The following APBB2 variants were observed in gnomAD, a reference collection of about 807,000 sequenced individuals.
The protein encoded by APBB2 is amyloid beta precursor protein binding family B member 2.
In APBB2, 38 loss-of-function variants were observed where a neutral mutation model predicts 82.5. The observed-to-expected ratio is 0.46, with a 90% CI of 0.36 to 0.60. The LOEUF (loss-of-function observed/expected upper bound fraction) is 0.60. Among genes scored for constraint, APBB2 ranks in the 20% least tolerant of loss-of-function variants. The pLI is 0.00. For missense variants in APBB2, 772 were observed against 972.3 expected (o/e 0.79, Z 2.74); for synonymous variants, 341 against 368.2 (o/e 0.93, Z 0.85).
chr4:41,199,177 C>G (rs953116826), intron 1 of APBB2, among the ~76,000 whole-genome samples: 5 of 146,172 alleles, frequency 3.4e-5, no homozygotes, highest in African/African-American at 1.3e-4. Flanking sequence ...CAATTTAACC[C>G]AAACAGATGC....
chr4:41,039,063 A>G lies in APBB2; in HGVS notation c.-50-5759T>C, dbSNP rs1368284238. Among the ~76,000 whole-genome samples the G allele has an allele frequency of 2.0e-5, 3 of 152,270 alleles. No individual in the cohort carries two copies. In the East Asian group the frequency reaches 5.8e-4, roughly 29 times the overall value. On this transcript the variant is annotated intron_variant, in intron 4 of 17. Transcript: ENST00000508593. Reference sequence around the variant, plus strand: ...AAATGTTAAATACACTTGTTTTTAAATGAGAAGGAGCTTTCATTTCTGGAA... The same window carrying G: ...AAATGTTAAATACACTTGTTTTTAAGTGAGAAGGAGCTTTCATTTCTGGAA...
intron 1 of APBB2, among the ~76,000 whole-genome samples, chr4:41,172,032 G>A (rs1001331172): frequency 8.5e-5 from 13 of 152,280 alleles, no homozygotes; most frequent in African/African-American, 2.9e-4. Context: ...CCCAAGAGGC[G>A]GAGGTTGTAG....
At chr4:40,975,675 A>C (rs189844294) in intron 6 of APBB2, among the ~76,000 whole-genome samples, 1 of 151,914 alleles carries the variant, frequency 6.6e-6, no homozygotes, top group South Asian at 2.1e-4. Flanking sequence ...TAGCAAGAGA[A>C]CCATCACGTC....
intron 5 of APBB2, among the ~76,000 whole-genome samples, chr4:41,029,883 G>A (rs753704941): frequency 2.0e-5 from 3 of 152,228 alleles, no homozygotes; most frequent in South Asian, 2.1e-4. Context: ...CTGGCTGGGC[G>A]CGGTGGTTCA....
At chr4:40,926,130 T>G (rs1302512010) in intron 10 of APBB2, among the ~76,000 whole-genome samples, 1 of 152,266 alleles carries the variant, frequency 6.6e-6, no homozygotes, top group Non-Finnish European at 1.5e-5. Flanking sequence ...TCTACTTCGC[T>G]GCAGAAGCTG....
chr4:40,882,634 GCA>G (rs1465013895), intron 12 of APBB2, among the ~76,000 whole-genome samples: 2 of 152,168 alleles, frequency 1.3e-5, no homozygotes, highest in African/African-American at 4.8e-5. Context: ...TTCGAGTGCT[GCA>G]CAGTCACCAG....
At chr4:41,068,585 A>C (rs552953731) in intron 3 of APBB2, among the ~76,000 whole-genome samples, 2 of 152,308 alleles carry the variant, frequency 1.3e-5, no homozygotes. Flanking sequence ...TAAGGTAAAC[A>C]AACAAACAAG....
At chr4:40,896,710 AT>A (rs1773770079) in intron 10 of APBB2, among the ~76,000 whole-genome samples, 2 of 152,242 alleles carry the variant, frequency 1.3e-5, no homozygotes, top group South Asian at 4.1e-4. Context: ...GTTCTGGGGT[AT>A]CCCTGTCATT....
At chr4:40,820,012 T>C (rs1479063559) in intron 17 of APBB2, among the ~76,000 whole-genome samples, 2 of 152,200 alleles carry the variant, frequency 1.3e-5, no homozygotes, top group African/African-American at 2.4e-5. Context: ...TTTACAGCAC[T>C]TTCTACACTG....
At chr4:41,181,942 CAAA>C (rs35142945) in intron 1 of APBB2, among the ~76,000 whole-genome samples, 54 of 93,890 alleles carry the variant, frequency 5.8e-4, no homozygotes, top group Middle Eastern at 0.012. Flanking sequence ...GAAACTGTCT[CAAA>C]AAAAAAAAAA....
At chr4:41,066,355 T>C (rs1266297629) in intron 3 of APBB2, among the ~76,000 whole-genome samples, 1 of 152,222 alleles carries the variant, frequency 6.6e-6, no homozygotes, top group Non-Finnish European at 1.5e-5. Context: ...TTACTGTCAG[T>C]TGATTTTTTA....
chr4:41,200,544 G>A (rs907509477), intron 1 of APBB2, among the ~76,000 whole-genome samples: 2 of 152,176 alleles, frequency 1.3e-5, no homozygotes, highest in Non-Finnish European at 2.9e-5. Flanking sequence ...CTCTCCCCTG[G>A]CGGCTGGAAC....
intron 1 of APBB2, among the ~76,000 whole-genome samples, chr4:41,190,436 C>T (rs1774134801): frequency 6.6e-6 from 1 of 151,570 alleles, no homozygotes; most frequent in Admixed American, 6.6e-5. Flanking sequence ...TTTTAGTAGA[C>T]ACAGGGTTTC....
chr4:40,839,225 G>C (rs1017874796), intron 12 of APBB2, among the ~76,000 whole-genome samples: 1 of 151,994 alleles, frequency 6.6e-6, no homozygotes, highest in East Asian at 1.9e-4. Context: ...CTACAGGCAT[G>C]TGCCACCACA....
At chr4:41,062,734 T>C (rs921108849) in intron 4 of APBB2, among the ~76,000 whole-genome samples, 6 of 152,018 alleles carry the variant, frequency 3.9e-5, no homozygotes, top group African/African-American at 1.4e-4. Flanking sequence ...AGGCACAAAG[T>C]GACAAGCTCA....
intron 12 of APBB2, chr4:40,880,746 GC>G: frequency 1.0e-6 from 1 of 985,426 alleles, no homozygotes; most frequent in Non-Finnish European, 1.2e-6. Context: ...CGAGATGGAA[GC>G]TGTTCGAAGA....
chr4:40,964,775 C>CACACACACACACACACA (rs1170561072), intron 6 of APBB2, among the ~76,000 whole-genome samples: 1 of 151,790 alleles, frequency 6.6e-6, no homozygotes, highest in Non-Finnish European at 1.5e-5. Flanking sequence ...CACACACACA[C>CACACACACACACACACA]AACAATGCAC....
chr4:40,949,275 C>G (rs751820406), intron 6 of APBB2, among the ~76,000 whole-genome samples: 2 of 151,714 alleles, frequency 1.3e-5, no homozygotes, highest in African/African-American at 4.8e-5. Context: ...TCAAAAAAGG[C>G]GGGGGGAGGG....
chr4:41,032,822 T>C (rs1280663450), intron 5 of APBB2, among the ~76,000 whole-genome samples: 9 of 129,546 alleles, frequency 6.9e-5, no homozygotes, highest in Non-Finnish European at 1.1e-4. Flanking sequence ...TTTCGCTCTG[T>C]CGCCCAGGCT....
Sources: gnomAD v4.1 joint callset for allele counts (sites outside exome capture counted in the v4.1 genomes callset) on GRCh38, gnomAD v4.1.1 for gene constraint, MANE v1.5 for transcripts, NCBI Gene and HGNC (gene_info 2026-07-23, HGNC 2026-07-21) for gene names.